SRRT: variants seen among roughly 807,000 people sequenced by gnomAD.
The protein encoded by SRRT is serrate RNA effector molecule homolog.
Under a neutral mutation model 103.2 loss-of-function variants are expected in SRRT, and 32 were observed. The observed-to-expected ratio is 0.31, with a 90% CI of 0.23 to 0.42. SRRT has a LOEUF of 0.42. SRRT is among the 10% of genes least tolerant of loss of function. The pLI, the probability that SRRT is intolerant of heterozygous loss-of-function variation, is 1.00. For synonymous variants in SRRT, 525 were observed against 449.0 expected (o/e 1.17, Z -2.14); for missense variants, 986 against 1,207.5 (o/e 0.82, Z 2.72).
intron 2 of SRRT, among the ~76,000 whole-genome samples, chr7:100,880,389 G>T (rs1033234563): frequency 5.3e-5 from 8 of 152,098 alleles, no homozygotes; most frequent in Non-Finnish European, 8.8e-5. Context: ...TGCAAGCTCC[G>T]CCTCCCGGGT....
chr7:100,884,891 C>G (rs994913672), intron 8 of SRRT, 32 bp from the exon 9 acceptor site: 1 of 1,613,890 alleles, frequency 6.2e-7, no homozygotes, highest in South Asian at 1.1e-5. Flanking sequence ...TTCTGGCACG[C>G]TGACTTGTCC....
intron 1 of SRRT, 92 bp from the exon 2 acceptor site, chr7:100,875,481 C>A: frequency 6.4e-7 from 1 of 1,569,034 alleles, no homozygotes; most frequent in Non-Finnish European, 8.6e-7. Flanking sequence ...CTGGCCTTGG[C>A]GGGAGGGAAG....
chr7:100,883,637 G>C (rs1346266845), intron 5 of SRRT, among the ~76,000 whole-genome samples: 1 of 152,200 alleles, frequency 6.6e-6, no homozygotes, highest in Non-Finnish European at 1.5e-5. Flanking sequence ...GAGTTGGCGG[G>C]AGCAGTTTTT....
At chr7:100,883,976 G>C in intron 5 of SRRT, 94 bp from the exon 6 acceptor site, 3 of 1,372,310 alleles carry the variant, frequency 2.2e-6, no homozygotes, top group Non-Finnish European at 3.0e-6. Flanking sequence ...TGAGAGGAAG[G>C]GGGATATGCC....
At chr7:100,877,530 A>AT (rs970257010) in intron 2 of SRRT, among the ~76,000 whole-genome samples, 3 of 150,310 alleles carry the variant, frequency 2.0e-5, no homozygotes, top group East Asian at 2.0e-4. Flanking sequence ...TTTTAAAAAA[A>AT]TTTTTTTTTG....
rs754683260 is a variant in SRRT, at chr7:100,886,356, T to C, written c.1568T>C (p.Leu523Pro). Residue 523 changes from leucine (L) to proline (P), a missense_variant, in exon 13 of 20, where the codon CTG (leucine) becomes CCG (proline). This residue lies in a region of SRRT where 349 missense variants were observed against 446.9 expected (regional missense o/e 0.78). Transcript: ENST00000611405. ...CAGATTGTGCGCAACGACATCAAGC[T>C]GGCGGCCAAGCTGATCCACACGCTG... ...HKQIVRNDIK[L>P]AAKLIHTLDD... 1 of 1,613,748 alleles carries C rather than the reference T, an allele frequency of 6.2e-7. No homozygotes were observed. The highest frequency in any genetic ancestry group is 8.5e-7 in the Non-Finnish European group (1 of 1,179,986).
rs775434631 is a variant in SRRT, at chr7:100,886,928, C to T, written c.1781C>T (p.Pro594Leu). 75 of 1,613,142 alleles carry T rather than the reference C, an allele frequency of 4.6e-5. No individual in the cohort carries two copies. Among genetic ancestry groups the T allele is most frequent in the Non-Finnish European group, 5.7e-5 (67 of 1,179,626 alleles). ...GAGGAGCCTCCTAAGGAAGGGAACC[C>T]GGCAGAGATCAACGTGGAGCGGGAT... is the stretch of plus-strand genomic sequence containing the variant. Reference protein sequence around the residue: ...PPEEPPKEGNPAEINVERDEK... With the variant: ...PPEEPPKEGNLAEINVERDEK... The change falls in exon 14 of 20, where the codon CCG (proline) becomes CTG (leucine). Residue 594 changes from proline (P) to leucine (L), a missense_variant. This residue lies in a region of SRRT where 349 missense variants were observed against 446.9 expected (regional missense o/e 0.78). Coordinates refer to ENST00000611405, the MANE Select transcript of SRRT (RefSeq NM_015908.6).
In SRRT at chr7:100,887,324, G is replaced by A. The variant is rs963246433; in HGVS notation, c.1980G>A (p.Leu660=). 3.1e-6 allele frequency: 5 copies of A among 1,613,780 alleles called. No individual in the cohort carries two copies. The Admixed American group carries it at 8.3e-5, about 27-fold the overall frequency. ...TCCTCTGTTCCCAAACCACAGTGCT[G>A]GAGTGGCAGAAGACTTTTGAGGAGA... ...PPNRISHGEV[L]EWQKTFEEKL... Residue 660 remains leucine, a synonymous_variant, in exon 16 of 20, where the codon CTG becomes CTA. Transcript: ENST00000611405. This position sits in a 1 kb window ranked among gnomAD's most constrained non-coding sequence, Gnocchi z 4.1.
chr7:100,879,348 T>C (rs1381167918), intron 2 of SRRT, among the ~76,000 whole-genome samples: 3 of 151,956 alleles, frequency 2.0e-5, no homozygotes, highest in African/African-American at 7.3e-5. Context: ...AATCCACTGC[T>C]TCGGCCTCCC....
intron 1 of SRRT, 42 bp from the exon 2 acceptor site, chr7:100,875,531 C>T (rs781278394): frequency 3.8e-4 from 610 of 1,605,514 alleles, no homozygotes; most frequent in Non-Finnish European, 4.7e-4. Context: ...TTCCTCCGCT[C>T]GTCCTTTTGC....
intron 1 of SRRT, 33 bp downstream of exon 1, chr7:100,875,361 T>C (rs959348575): frequency 8.5e-6 from 11 of 1,289,768 alleles, no homozygotes; most frequent in Non-Finnish European, 1.1e-5. Context: ...GGGGCCCCGC[T>C]GGGGCGGGAG....
chr7:100,887,466 C>T lies in SRRT; in HGVS notation c.2122C>T (p.Leu708=). The change falls in exon 16 of 20, where the codon CTG becomes TTG. Residue 708 remains leucine (L), a synonymous_variant. Transcript: ENST00000611405. This position sits in a 1 kb window ranked among gnomAD's most constrained non-coding sequence, Gnocchi z 4.1. ...GTTCGTCACCTCCAACACGCAGGAA[C>T]TGGGCAAGGATAAGTGGCTGTGTCC... The part of the protein sequence containing the change: ...EKFVTSNTQE[L]GKDKWLCPLS... 1 of 1,614,142 alleles carries T rather than the reference C, an allele frequency of 6.2e-7. No individual in the cohort carries two copies. The highest frequency in any genetic ancestry group is 1.1e-5 in the South Asian group (1 of 91,082).
rs1254380315 is a variant in SRRT, at chr7:100,887,911, G to C, written c.2326+52G>C. On this transcript the variant is annotated intron_variant, in intron 17 of 19. Transcript: ENST00000611405. The surrounding 1 kb of genome is among the most constrained non-coding windows in gnomAD (Gnocchi z 4.1). ...TGTGCCCTCTTCCTTGACTACCCAGGGACTCCTGTTTCTCTTTAACGTGTC... is the reference window on the plus strand; with the variant it reads ...TGTGCCCTCTTCCTTGACTACCCAGCGACTCCTGTTTCTCTTTAACGTGTC... 2 of 1,570,426 alleles carry C rather than the reference G, an allele frequency of 1.3e-6. No individual in the cohort carries two copies. The highest frequency in any genetic ancestry group is 2.7e-5 in the African/African-American group (2 of 73,322).
In SRRT at chr7:100,886,895, C is replaced by T. The variant is rs1047069689; in HGVS notation, c.1748C>T (p.Ala583Val). 5 of 1,614,026 alleles carry T rather than the reference C, an allele frequency of 3.1e-6. No individual in the cohort carries two copies. In the Admixed American group the frequency reaches 5.0e-5, roughly 16 times the overall value. The change falls in exon 14 of 20, where the codon GCT becomes GTT. Residue 583 changes from alanine to valine, a missense_variant. Physicochemically the swap from Ala to Val is moderately conservative, Grantham distance 64. Coordinates refer to ENST00000611405, the MANE Select transcript of SRRT (RefSeq NM_015908.6). ...EEELLGSSGG[A>V]PPEEPPKEGN... ...GAGCTGCTGGGGAGCAGCGGGGGCG[C>T]TCCTCCTGAGGAGCCTCCTAAGGAA...
rs974544046 is a variant in SRRT at position 100,887,617 on chromosome 7, C to G, written c.2170-86C>G. The stretch of plus-strand genomic sequence containing the variant: ...GGGAACTGCTTACTGCACTGGCAGG[C>G]GGGAGCTGGGAATCCTTCCAGCTCG... On this transcript the variant is annotated intron_variant, in intron 16 of 19. Coordinates refer to ENST00000611405, the MANE Select transcript of SRRT (RefSeq NM_015908.6). The surrounding 1 kb of genome is among the most constrained non-coding windows in gnomAD (Gnocchi z 4.1). The G allele has an allele frequency of 3.2e-6, 5 of 1,575,220 alleles. No individual in the cohort carries two copies. Among genetic ancestry groups the G allele is most frequent in the Non-Finnish European group, 4.3e-6 (5 of 1,156,470 alleles).
At chr7:100,881,136 GGGGGGC>G in intron 2 of SRRT, 143 bp from the exon 3 acceptor site, 1 of 749,104 alleles carries the variant, frequency 1.3e-6, no homozygotes, top group Non-Finnish European at 2.1e-6. Flanking sequence ...TAGGGATGGC[GGGGGGC>G]GGGGGGGGGT....
intron 2 of SRRT, chr7:100,880,711 C>T: frequency 2.3e-6 from 1 of 434,820 alleles, no homozygotes; most frequent in Non-Finnish European, 4.6e-6. Context: ...GGGTCTCCCT[C>T]TGTCACCCGG....
At chr7:100,875,778 C>T in intron 2 of SRRT, 66 bp downstream of exon 2, 18 of 1,579,462 alleles carry the variant, frequency 1.1e-5, no homozygotes, top group South Asian at 1.1e-4. Context: ...CGTCGCTTTT[C>T]TTTCTCCCCC....
chr7:100,885,529 C>T lies in SRRT; in HGVS notation c.1317+159C>T. ...CTCCGAGGACTAGTCCTGATAGCGC[C>T]ATTGGCTTTCAGGTGCTGGTGTTCT... On this transcript the variant is annotated intron_variant, in intron 10 of 19. Coordinates refer to ENST00000611405, the MANE Select transcript of SRRT (RefSeq NM_015908.6). This position sits in a 1 kb window ranked among gnomAD's most constrained non-coding sequence, Gnocchi z 4.8. 9.4e-7 allele frequency: 1 copy of T among 1,066,128 alleles called. No homozygotes were observed. The highest frequency in any genetic ancestry group is 1.6e-5 in the South Asian group (1 of 64,160). 66.0% of individuals were successfully genotyped at this position (1,066,128 alleles called of 1,614,324 possible). A position where few individuals can be genotyped will look rare whatever the true frequency, so the allele number is the denominator to read the frequency against.
Sources: gnomAD v4.1 joint callset for allele counts (sites outside exome capture counted in the v4.1 genomes callset) on GRCh38, gnomAD v4.1.1 for gene constraint, gnomAD v4.1.1 regional missense constraint, Gnocchi (gnomAD v3.1) non-coding constraint, MANE v1.5 for transcripts, NCBI Gene and HGNC (gene_info 2026-07-23, HGNC 2026-07-21) for gene names.